CSRNP3: variants seen among roughly 807,000 people sequenced by gnomAD.
CSRNP3 encodes cysteine and serine rich nuclear protein 3, also known as cysteine/serine-rich nuclear protein 3.
A neutral mutation model predicts 48.0 loss-of-function variants in CSRNP3; 12 were observed. That is an observed-to-expected ratio of 0.25 (90% CI 0.16 to 0.41). The LOEUF (loss-of-function observed/expected upper bound fraction) is 0.41. CSRNP3 is among the 10% of genes least tolerant of loss of function. The pLI, the probability that CSRNP3 is intolerant of heterozygous loss-of-function variation, is 1.00. For synonymous variants in CSRNP3, 263 were observed against 269.7 expected (o/e 0.98, Z 0.24); for missense variants, 580 against 724.4 (o/e 0.80, Z 2.29).
intron 2 of CSRNP3, among the ~76,000 whole-genome samples, chr2:165,499,016 C>G (rs556683793): frequency 6.6e-6 from 1 of 152,046 alleles, no homozygotes; most frequent in Non-Finnish European, 1.5e-5. Flanking sequence ...TTAGAGTGTT[C>G]GTATTTTATA....
intron 4 of CSRNP3, among the ~76,000 whole-genome samples, chr2:165,607,763 A>G (rs1216804602): frequency 2.6e-5 from 4 of 152,098 alleles, no homozygotes; most frequent in African/African-American, 9.7e-5. Context: ...CTTCACTGCA[A>G]ACTCATTCCA....
chr2:165,532,104 A>G (rs1324559178), intron 3 of CSRNP3, among the ~76,000 whole-genome samples: 2 of 152,198 alleles, frequency 1.3e-5, no homozygotes, highest in African/African-American at 2.4e-5. Context: ...GACCAGATGG[A>G]TTCACAGCCG....
At chr2:165,481,398 T>C (rs1402664361) in intron 1 of CSRNP3, among the ~76,000 whole-genome samples, 1 of 141,958 alleles carries the variant, frequency 7.0e-6, no homozygotes, top group African/African-American at 2.8e-5. Context: ...AGCACCAGCC[T>C]CTTTCCTGGA....
intron 4 of CSRNP3, among the ~76,000 whole-genome samples, chr2:165,613,959 G>A (rs1686183154): frequency 1.3e-5 from 2 of 151,872 alleles, no homozygotes; most frequent in Non-Finnish European, 2.9e-5. Flanking sequence ...GTTTGATAGA[G>A]ATTGCGTAGA....
At chr2:165,665,982 AAG>A (rs1208741540) in intron 5 of CSRNP3, among the ~76,000 whole-genome samples, 1 of 47,786 alleles carries the variant, frequency 2.1e-5, no homozygotes, top group Non-Finnish European at 4.8e-5. Flanking sequence ...GGAAGAAAGA[AAG>A]AGAGAAAGGA....
At chr2:165,531,051 C>A (rs964233495) in intron 3 of CSRNP3, among the ~76,000 whole-genome samples, 5 of 151,622 alleles carry the variant, frequency 3.3e-5, no homozygotes, top group African/African-American at 1.2e-4. Flanking sequence ...AAAATACTAT[C>A]CTAAGGGAAA....
intron 3 of CSRNP3, among the ~76,000 whole-genome samples, chr2:165,559,817 T>G (rs1043627480): frequency 3.6e-5 from 5 of 139,918 alleles, no homozygotes; most frequent in African/African-American, 1.4e-4. Context: ...TTTTTTTTTT[T>G]GAGATGGAGT....
At chr2:165,527,802 G>T (rs1257010953) in intron 3 of CSRNP3, among the ~76,000 whole-genome samples, 1 of 152,104 alleles carries the variant, frequency 6.6e-6, no homozygotes. Context: ...GATGACAGTG[G>T]AGTTTGAGTA....
At chr2:165,634,979 A>G (rs1264852448) in intron 4 of CSRNP3, among the ~76,000 whole-genome samples, 1 of 152,148 alleles carries the variant, frequency 6.6e-6, no homozygotes, top group Non-Finnish European at 1.5e-5. Context: ...CCAGCAGGCT[A>G]TTGAATCCAG....
chr2:165,659,081 G>A (rs187156798), intron 5 of CSRNP3, among the ~76,000 whole-genome samples: 3 of 152,242 alleles, frequency 2.0e-5, no homozygotes, highest in African/African-American at 2.4e-5. Flanking sequence ...ATCAAAAGTC[G>A]TCAAGAGTTT....
intron 4 of CSRNP3, among the ~76,000 whole-genome samples, chr2:165,652,741 G>A (rs1356847367): frequency 1.1e-4 from 17 of 151,722 alleles, no homozygotes; most frequent in Non-Finnish European, 1.6e-4. Flanking sequence ...ATGGGGTTTC[G>A]CCACGTTGCT....
At chr2:165,597,377 A>C (rs1685829950) in intron 4 of CSRNP3, among the ~76,000 whole-genome samples, 1 of 152,200 alleles carries the variant, frequency 6.6e-6, no homozygotes, top group South Asian at 2.1e-4. Flanking sequence ...TTATAAGATA[A>C]TGAGAAAGGG....
intron 3 of CSRNP3, among the ~76,000 whole-genome samples, chr2:165,528,499 C>G (rs572361478): frequency 6.6e-6 from 1 of 152,030 alleles, no homozygotes; most frequent in East Asian, 1.9e-4. Flanking sequence ...ACTTTTGTAA[C>G]GAATATGAGA....
intron 5 of CSRNP3, among the ~76,000 whole-genome samples, chr2:165,659,249 A>G (rs1687059556): frequency 6.6e-6 from 1 of 152,176 alleles, no homozygotes; most frequent in South Asian, 2.1e-4. Context: ...ACAGTAGGTT[A>G]TATTAGACTG....
At chr2:165,492,242 C>T (rs1332580775) in intron 1 of CSRNP3, among the ~76,000 whole-genome samples, 1 of 152,160 alleles carries the variant, frequency 6.6e-6, no homozygotes, top group Non-Finnish European at 1.5e-5. Context: ...GATGAAATAG[C>T]AAGCTAATGA....
At chr2:165,595,959 A>G (rs964121293) in intron 4 of CSRNP3, among the ~76,000 whole-genome samples, 2 of 151,720 alleles carry the variant, frequency 1.3e-5, no homozygotes, top group Non-Finnish European at 2.9e-5. Context: ...ACCACACCCA[A>G]CTAATTATTT....
intron 1 of CSRNP3, among the ~76,000 whole-genome samples, chr2:165,483,095 A>G (rs1366988565): frequency 6.6e-6 from 1 of 150,562 alleles, no homozygotes. Context: ...ATGTATATAT[A>G]AAAATATATA....
chr2:165,545,822 A>T (rs1043925484), intron 3 of CSRNP3, among the ~76,000 whole-genome samples: 6 of 152,200 alleles, frequency 3.9e-5, no homozygotes, highest in African/African-American at 1.4e-4. Context: ...TAAATAATAA[A>T]CATTGCTGAT....
chr2:165,471,911 A>T (rs2105442549), intron 1 of CSRNP3, among the ~76,000 whole-genome samples: 1 of 152,172 alleles, frequency 6.6e-6, no homozygotes, highest in Admixed American at 6.6e-5. Flanking sequence ...GTCCAAGTGA[A>T]GGATGAAACA....
Sources: allele counts gnomAD v4.1 joint callset (sites outside exome capture counted in the v4.1 genomes callset), GRCh38; gene constraint gnomAD v4.1.1; transcripts MANE v1.5; gene names NCBI Gene and HGNC (gene_info 2026-07-23, HGNC 2026-07-21).